Variants in GRM8 observed in about 807,000 individuals in gnomAD.
GRM8 encodes glutamate metabotropic receptor 8, also known as metabotropic glutamate receptor 8.
Under a neutral mutation model 87.2 loss-of-function variants are expected in GRM8, and 47 were observed. That is an observed-to-expected ratio of 0.54 (90% CI 0.43 to 0.69). The LOEUF is 0.69. Ranked by LOEUF, GRM8 falls within the 30% of genes least tolerant of loss-of-function variation. The probability of loss-of-function intolerance (pLI) is 0.00; values close to 1 mark genes in which losing one functional copy is unlikely to be tolerated. For missense variants in GRM8, 1,019 were observed against 1,139.2 expected, an observed-to-expected ratio of 0.89 and a Z score of 1.52; for synonymous variants, 396 against 404.5, an observed-to-expected ratio of 0.98 and a Z score of 0.25.
At chr7:126,826,482 A>AT (rs1213716768) in intron 6 of GRM8, among the ~76,000 whole-genome samples, 1 of 152,022 alleles carries the variant, frequency 6.6e-6, no homozygotes, top group Non-Finnish European at 1.5e-5. Flanking sequence ...GATGATGAGC[A>AT]TTTTTTCATG....
intron 6 of GRM8, among the ~76,000 whole-genome samples, chr7:126,832,285 G>A (rs1563230967): frequency 1.3e-5 from 2 of 152,012 alleles, no homozygotes; most frequent in South Asian, 2.1e-4. Context: ...AGTACATACT[G>A]GAAGAAATGA....
chr7:126,477,919 A>C (rs1806189854), intron 9 of GRM8, among the ~76,000 whole-genome samples: 1 of 152,104 alleles, frequency 6.6e-6, no homozygotes, highest in South Asian at 2.1e-4. Flanking sequence ...TTGGCCATGC[A>C]GTTCTCTTTC....
chr7:127,177,405 C>A (rs2116377387), intron 2 of GRM8, among the ~76,000 whole-genome samples: 1 of 152,318 alleles, frequency 6.6e-6, no homozygotes, highest in East Asian at 1.9e-4. Context: ...GATGGTCCTT[C>A]CCTATCCACC....
intron 3 of GRM8, among the ~76,000 whole-genome samples, chr7:126,972,516 C>T (rs1482855131): frequency 6.6e-6 from 1 of 151,648 alleles, no homozygotes; most frequent in Admixed American, 6.6e-5. Flanking sequence ...TTTAACTAAG[C>T]AAGCAGGTTC....
chr7:126,645,160 C>T lies in GRM8; in HGVS notation c.1358-35662G>A, dbSNP rs948093425. Among the ~76,000 whole-genome samples the T allele has an allele frequency of 1.6e-4, 25 of 152,296 alleles. No individual in the cohort carries two copies. The East Asian group carries it at 4.6e-3, about 28-fold the overall frequency. ...CACCTTTGTTAGACTAATAAAAGGC[C>T]ACAAGAATAGGATTATGGGAGGAAC... On this transcript the variant is annotated intron_variant, in intron 7 of 10. Transcript: ENST00000339582.
chr7:126,976,332 A>G (rs1286839782), intron 3 of GRM8, among the ~76,000 whole-genome samples: 3 of 152,200 alleles, frequency 2.0e-5, no homozygotes, highest in Non-Finnish European at 4.4e-5. Context: ...GCAGTGGCTC[A>G]CGCCTATAAT....
Position 126,808,581 on chromosome 7 carries a change from A to G in GRM8, c.1157-38516T>C, listed in dbSNP as rs576970071. Among the ~76,000 whole-genome samples, 26 of 152,314 alleles carry G rather than the reference A, an allele frequency of 1.7e-4. No individual in the cohort carries two copies. The South Asian group carries it at 5.2e-3, about 30-fold the overall frequency. On this transcript the variant is annotated intron_variant, in intron 6 of 10. Coordinates refer to ENST00000339582, the MANE Select transcript of GRM8 (RefSeq NM_000845.3). ...TTTGTTCAGCCTCTTCCTTAGAGCA[A>G]ACATACAACATAGGTGGTAGGTTTT...
chr7:126,806,857 C>T (rs796409836), intron 6 of GRM8, among the ~76,000 whole-genome samples: 20 of 152,314 alleles, frequency 1.3e-4, no homozygotes, highest in African/African-American at 4.8e-4. Flanking sequence ...CACCCGTAAG[C>T]CCCAGCTCCC....
intron 8 of GRM8, among the ~76,000 whole-genome samples, chr7:126,550,773 G>T (rs921382064): frequency 1.3e-5 from 2 of 151,630 alleles, no homozygotes; most frequent in Non-Finnish European, 2.9e-5. Flanking sequence ...AGGCACAAAT[G>T]ATACATAATA....
chr7:126,931,879 A>G (rs1805806620), intron 3 of GRM8, among the ~76,000 whole-genome samples: 2 of 152,184 alleles, frequency 1.3e-5, no homozygotes, highest in African/African-American at 4.8e-5. Flanking sequence ...ATAATTTATC[A>G]TGGTTGCTTT....
chr7:126,498,967 C>A (rs2150684034), intron 9 of GRM8, among the ~76,000 whole-genome samples: 1 of 152,052 alleles, frequency 6.6e-6, no homozygotes, highest in South Asian at 2.1e-4. Context: ...GACAAGAATA[C>A]AAATGCATAT....
chr7:127,065,654 G>A (rs1373021680), intron 3 of GRM8, among the ~76,000 whole-genome samples: 1 of 152,214 alleles, frequency 6.6e-6, no homozygotes, highest in African/African-American at 2.4e-5. Flanking sequence ...TGGTGGTGGA[G>A]ATGGAAAGTG....
At chr7:127,146,014 T>C (rs896914246) in intron 2 of GRM8, among the ~76,000 whole-genome samples, 3 of 151,948 alleles carry the variant, frequency 2.0e-5, no homozygotes, top group African/African-American at 7.3e-5. Flanking sequence ...GGGAGCAATC[T>C]GGTGGTAGAG....
rs3038866 is a variant in GRM8 at position 126,816,732 on chromosome 7, TTGTGTGTG to T, written c.1157-46675_1157-46668del. 2.6e-3 allele frequency among the ~76,000 whole-genome samples: 377 copies of T among 145,860 alleles called. 1 individual carries two copies. The highest frequency in any genetic ancestry group is 5.0e-3 in the African/African-American group (197 of 39,332). On this transcript the variant is annotated intron_variant, in intron 6 of 10. Coordinates refer to ENST00000339582, the MANE Select transcript of GRM8 (RefSeq NM_000845.3). ...ACCTAATGTGAGATAGTATATGATT[TTGTGTGTG>T]TGTGTGTGTGTGTGTGTGTGTGTGT...
chr7:126,759,123 C>T (rs974507184), intron 7 of GRM8, among the ~76,000 whole-genome samples: 1 of 152,022 alleles, frequency 6.6e-6, no homozygotes, highest in Non-Finnish European at 1.5e-5. Context: ...GTCTCAAACT[C>T]CTGACTTCAA....
At chr7:126,631,170 A>C (rs1411677632) in intron 7 of GRM8, among the ~76,000 whole-genome samples, 2 of 152,198 alleles carry the variant, frequency 1.3e-5, no homozygotes, top group Non-Finnish European at 2.9e-5. Flanking sequence ...TTATGTTGAT[A>C]AACCACTACT....
intron 8 of GRM8, among the ~76,000 whole-genome samples, chr7:126,607,919 G>C (rs2151095450): frequency 7.1e-6 from 1 of 140,868 alleles, no homozygotes; most frequent in South Asian, 2.2e-4. Flanking sequence ...TGTTCTTGTA[G>C]TTATTTCCTG....
chr7:127,095,178 A>G (rs1824523183), intron 3 of GRM8, among the ~76,000 whole-genome samples: 1 of 152,232 alleles, frequency 6.6e-6, no homozygotes, highest in South Asian at 2.1e-4. Flanking sequence ...GTGTAAGTCA[A>G]ATGTCTGGTG....
intron 9 of GRM8, chr7:126,511,916 A>T (rs1276681529): frequency 1.3e-5 from 2 of 152,114 alleles, no homozygotes; most frequent in African/African-American, 4.8e-5. Flanking sequence ...TTGGATCTAA[A>T]GGAAAGTTGA....
Sources: gnomAD v4.1 joint callset for allele counts (sites outside exome capture counted in the v4.1 genomes callset) on GRCh38, gnomAD v4.1.1 for gene constraint, MANE v1.5 for transcripts, NCBI Gene and HGNC (gene_info 2026-07-23, HGNC 2026-07-21) for gene names.